Variants in PIP5K1B observed in about 807,000 individuals in gnomAD.
PIP5K1B encodes phosphatidylinositol-4-phosphate 5-kinase type 1 beta, also known as phosphatidylinositol 4-phosphate 5-kinase type-1 beta.
PIP5K1B carries 42 observed loss-of-function variants against 67.0 expected under a neutral mutation model. That is an observed-to-expected ratio of 0.63 (90% CI 0.49 to 0.81). The LOEUF (loss-of-function observed/expected upper bound fraction) is 0.81, where lower values mean the gene tolerates loss of function less well. Among genes scored for constraint, PIP5K1B ranks in the 30% least tolerant of loss-of-function variants. The pLI is 0.00. For synonymous variants in PIP5K1B, 214 were observed against 231.4 expected, an observed-to-expected ratio of 0.92 and a Z score of 0.68; for missense variants, 459 against 646.3, an observed-to-expected ratio of 0.71 and a Z score of 3.14.
At chr9:68,988,254 C>G (rs1830177318) in intron 14 of PIP5K1B, among the ~76,000 whole-genome samples, 1 of 151,230 alleles carries the variant, frequency 6.6e-6, no homozygotes, top group South Asian at 2.1e-4. Context: ...AAAGTTATTT[C>G]AAAATTAAAG....
At chr9:68,960,138 C>T (rs748553460) in intron 14 of PIP5K1B, among the ~76,000 whole-genome samples, 11 of 152,296 alleles carry the variant, frequency 7.2e-5, no homozygotes, top group South Asian at 4.1e-4. Context: ...TTTATGCTAA[C>T]GTCACTCATA....
At chr9:68,967,285 G>A (rs1338653888) in intron 14 of PIP5K1B, among the ~76,000 whole-genome samples, 1 of 152,144 alleles carries the variant, frequency 6.6e-6, no homozygotes, top group Non-Finnish European at 1.5e-5. Flanking sequence ...GTAGTTCCTT[G>A]ATGCTCCAAC....
At chr9:68,861,285 A>G (rs1254644315) in intron 4 of PIP5K1B, among the ~76,000 whole-genome samples, 2 of 70,398 alleles carry the variant, frequency 2.8e-5, no homozygotes, top group Non-Finnish European at 7.2e-5. Context: ...CAGAGGAGAA[A>G]GATTTTTTCT....
At chr9:68,863,541 T>C (rs1297010849) in intron 4 of PIP5K1B, among the ~76,000 whole-genome samples, 1 of 152,224 alleles carries the variant, frequency 6.6e-6, no homozygotes, top group Non-Finnish European at 1.5e-5. Flanking sequence ...CCATGCTGTA[T>C]GTTTTAGCAC....
At chr9:68,946,851 T>C (rs1827828542) in intron 14 of PIP5K1B, among the ~76,000 whole-genome samples, 1 of 152,332 alleles carries the variant, frequency 6.6e-6, no homozygotes, top group Non-Finnish European at 1.5e-5. Flanking sequence ...TGATCTAACA[T>C]TGGGCAAGTT....
At chr9:68,926,442 AT>A (rs1267387910) in intron 12 of PIP5K1B, among the ~76,000 whole-genome samples, 4 of 152,118 alleles carry the variant, frequency 2.6e-5, no homozygotes, top group Admixed American at 6.6e-5. Flanking sequence ...TTTATTATCT[AT>A]TTTTTAATAA....
At chr9:68,789,324 C>A in intron 2 of PIP5K1B, 1 of 395,204 alleles carries the variant, frequency 2.5e-6, no homozygotes, top group Non-Finnish European at 4.8e-6. Flanking sequence ...CATTGCCAAG[C>A]GTCTCTTCTG....
intron 14 of PIP5K1B, among the ~76,000 whole-genome samples, chr9:68,944,319 CAAAGTT>C (rs1217728178): frequency 6.6e-6 from 1 of 152,174 alleles, no homozygotes; most frequent in East Asian, 1.9e-4. Context: ...TGTTTTACCT[CAAAGTT>C]AAGAACAATT....
chr9:68,714,428 G>A (rs912435434), intron 1 of PIP5K1B, among the ~76,000 whole-genome samples: 4 of 152,224 alleles, frequency 2.6e-5, no homozygotes, highest in East Asian at 1.9e-4. Context: ...TCATTTGTGC[G>A]GATTCTATCC....
intron 2 of PIP5K1B, chr9:68,780,783 G>A: frequency 6.2e-7 from 1 of 1,614,204 alleles, no homozygotes; most frequent in Non-Finnish European, 8.5e-7. Context: ...AAGAAAATGT[G>A]AAATGGAAAC....
chr9:68,932,175 C>T (rs887618435), intron 12 of PIP5K1B, among the ~76,000 whole-genome samples: 9 of 152,188 alleles, frequency 5.9e-5, no homozygotes, highest in Non-Finnish European at 1.3e-4. Context: ...CATTACACGG[C>T]TCTCACCCTG....
chr9:68,767,926 A>T (rs1418167851), intron 2 of PIP5K1B, among the ~76,000 whole-genome samples: 1 of 152,154 alleles, frequency 6.6e-6, no homozygotes, highest in Non-Finnish European at 1.5e-5. Flanking sequence ...AAATAAAATT[A>T]TAAGTTTATA....
intron 14 of PIP5K1B, among the ~76,000 whole-genome samples, chr9:68,947,920 C>G (rs927780029): frequency 1.3e-5 from 2 of 152,196 alleles, no homozygotes; most frequent in Admixed American, 6.5e-5. Flanking sequence ...GCTTGAGGAA[C>G]CCAAGTGAGA....
chr9:68,855,813 G>C (rs1822746118), intron 4 of PIP5K1B, among the ~76,000 whole-genome samples: 1 of 152,150 alleles, frequency 6.6e-6, no homozygotes, highest in Non-Finnish European at 1.5e-5. Flanking sequence ...TACAGTTTGT[G>C]GGTAGGCAAA....
intron 8 of PIP5K1B, among the ~76,000 whole-genome samples, chr9:68,911,665 T>C (rs1825859237): frequency 6.6e-6 from 1 of 151,978 alleles, no homozygotes; most frequent in Non-Finnish European, 1.5e-5. Flanking sequence ...CCGAGGTGGT[T>C]GGATCGCTTG....
chr9:68,884,214 A>G (rs146083999), intron 6 of PIP5K1B, among the ~76,000 whole-genome samples: 3 of 152,310 alleles, frequency 2.0e-5, no homozygotes, highest in Admixed American at 2.0e-4. Context: ...GAGACAATCT[A>G]CAGATTGGGT....
intron 2 of PIP5K1B, among the ~76,000 whole-genome samples, chr9:68,809,799 G>A (rs1032505601): frequency 3.3e-5 from 5 of 152,182 alleles, no homozygotes; most frequent in Admixed American, 3.3e-4. Context: ...CCCACAGGCT[G>A]ACTTATGCAG....
intron 2 of PIP5K1B, among the ~76,000 whole-genome samples, chr9:68,779,386 C>T (rs1831096366): frequency 6.6e-6 from 1 of 152,196 alleles, no homozygotes; most frequent in South Asian, 2.1e-4. Flanking sequence ...TTCTCTCCAT[C>T]TCCACTGCCA....
At chr9:68,819,882 C>G (rs930180753) in intron 3 of PIP5K1B, among the ~76,000 whole-genome samples, 1 of 152,056 alleles carries the variant, frequency 6.6e-6, no homozygotes. Context: ...CTTCGTTTAT[C>G]ATTATTTTAT....
Sources: allele counts gnomAD v4.1 joint callset (sites outside exome capture counted in the v4.1 genomes callset), GRCh38; gene constraint gnomAD v4.1.1; transcripts MANE v1.5; gene names NCBI Gene and HGNC (gene_info 2026-07-23, HGNC 2026-07-21).